The following FHIT variants were observed in gnomAD, a reference collection of about 807,000 sequenced individuals.
The protein encoded by FHIT is fragile histidine triad diadenosine triphosphatase.
Under a neutral mutation model 17.9 loss-of-function variants are expected in FHIT, and 19 were observed. That is an observed-to-expected ratio of 1.06 (90% CI 0.74 to 1.56). The LOEUF is 1.56. Ranked by LOEUF, FHIT falls within the 40% of genes most tolerant of loss-of-function variation. FHIT has a pLI of 0.00. For missense variants in FHIT, 248 were observed against 189.2 expected, an observed-to-expected ratio of 1.31 and a Z score of -1.82; for synonymous variants, 81 against 69.7, an observed-to-expected ratio of 1.16 and a Z score of -0.81.
intron 5 of FHIT, among the ~76,000 whole-genome samples, chr3:60,133,387 A>C (rs1699680128): frequency 6.6e-6 from 1 of 152,166 alleles, no homozygotes; most frequent in African/African-American, 2.4e-5. Flanking sequence ...CTCCCTGCCA[A>C]AACTTCTCCT....
At chr3:59,806,224 T>C (rs1284509761) in intron 8 of FHIT, among the ~76,000 whole-genome samples, 1 of 151,516 alleles carries the variant, frequency 6.6e-6, no homozygotes, top group Non-Finnish European at 1.5e-5. Flanking sequence ...TGAAAATGGA[T>C]GTTGTAAAGC....
chr3:61,086,775 C>T (rs1393763179), intron 2 of FHIT, among the ~76,000 whole-genome samples: 1 of 152,064 alleles, frequency 6.6e-6, no homozygotes, highest in Non-Finnish European at 1.5e-5. Flanking sequence ...AGCAGAAATT[C>T]ATCCTATAAC....
chr3:60,273,045 C>A (rs1489623872), intron 5 of FHIT, among the ~76,000 whole-genome samples: 1 of 152,212 alleles, frequency 6.6e-6, no homozygotes, highest in African/African-American at 2.4e-5. Context: ...GTAAAAACTA[C>A]ACATATCAGA....
At chr3:59,805,095 G>C (rs1434944975) in intron 8 of FHIT, among the ~76,000 whole-genome samples, 1 of 152,082 alleles carries the variant, frequency 6.6e-6, no homozygotes, top group Non-Finnish European at 1.5e-5. Flanking sequence ...CTAGCTTGAA[G>C]CAGTGGGAGG....
At chr3:61,167,704 G>C (rs899565722) in intron 2 of FHIT, among the ~76,000 whole-genome samples, 1 of 151,358 alleles carries the variant, frequency 6.6e-6, no homozygotes, top group African/African-American at 2.4e-5. Context: ...GACAGGACAG[G>C]AAAGGAAAGG....
chr3:60,328,944 G>A (rs1048578542), intron 5 of FHIT, among the ~76,000 whole-genome samples: 6 of 152,156 alleles, frequency 3.9e-5, no homozygotes, highest in South Asian at 4.1e-4. Flanking sequence ...ATGATTAGTC[G>A]ATTCAGGACC....
At chr3:59,917,581 C>T (rs1488621955) in intron 8 of FHIT, among the ~76,000 whole-genome samples, 1 of 152,086 alleles carries the variant, frequency 6.6e-6, no homozygotes, top group Non-Finnish European at 1.5e-5. Context: ...TGGCATAATT[C>T]ATGAAAATTT....
intron 4 of FHIT, among the ~76,000 whole-genome samples, chr3:60,783,780 T>C (rs1330165230): frequency 1.3e-5 from 2 of 152,222 alleles, no homozygotes; most frequent in Non-Finnish European, 2.9e-5. Flanking sequence ...GATGCAGGTG[T>C]GGCTCTTTAA....
At chr3:60,677,676 A>C (rs1166130710) in intron 4 of FHIT, among the ~76,000 whole-genome samples, 1 of 152,152 alleles carries the variant, frequency 6.6e-6, no homozygotes, top group Non-Finnish European at 1.5e-5. Context: ...ACTTATATAC[A>C]CACACAGAGC....
At chr3:60,496,836 T>C (rs2034319406) in intron 5 of FHIT, among the ~76,000 whole-genome samples, 1 of 152,044 alleles carries the variant, frequency 6.6e-6, no homozygotes, top group Non-Finnish European at 1.5e-5. Context: ...TGTAGCTGTA[T>C]CTCAAAAACA....
intron 2 of FHIT, among the ~76,000 whole-genome samples, chr3:61,153,293 T>C (rs2037447392): frequency 1.3e-5 from 2 of 152,204 alleles, no homozygotes; most frequent in Admixed American, 1.3e-4. Flanking sequence ...GCTTGGCTGA[T>C]AACATGAAGA....
intron 3 of FHIT, among the ~76,000 whole-genome samples, chr3:61,025,569 G>T (rs2032688695): frequency 6.6e-6 from 1 of 151,898 alleles, no homozygotes; most frequent in South Asian, 2.1e-4. Flanking sequence ...ATCAGACACA[G>T]AAATATGGAA....
intron 5 of FHIT, among the ~76,000 whole-genome samples, chr3:60,316,202 G>A (rs1352333563): frequency 6.6e-6 from 1 of 152,132 alleles, no homozygotes; most frequent in Non-Finnish European, 1.5e-5. Context: ...TATAAAAATA[G>A]AAACTTGACA....
At chr3:60,120,938 T>A (rs1236751159) in intron 5 of FHIT, among the ~76,000 whole-genome samples, 1 of 152,152 alleles carries the variant, frequency 6.6e-6, no homozygotes, top group African/African-American at 2.4e-5. Context: ...GCCTTTAGGT[T>A]TATATCATGT....
rs151040910 is a variant in FHIT at position 60,347,995 on chromosome 3, T to C, written c.103+188865A>G. Among the ~76,000 whole-genome samples the C allele has an allele frequency of 5.9e-5, 9 of 152,126 alleles. No individual in the cohort carries two copies. In the East Asian group the frequency reaches 1.6e-3, roughly 26 times the overall value. ...GCTGGTCTCAAACTCCTCACCTCAG[T>C]TGATCCACCCTCCTTAGCCTCCCAA... On this transcript the variant is annotated intron_variant, in intron 5 of 9. Coordinates refer to ENST00000492590, the MANE Select transcript of FHIT (RefSeq NM_002012.4).
At chr3:60,579,628 T>A (rs1026677067) in intron 4 of FHIT, among the ~76,000 whole-genome samples, 12 of 152,162 alleles carry the variant, frequency 7.9e-5, no homozygotes, top group African/African-American at 2.9e-4. Context: ...CACACACATA[T>A]AAATATATAC....
chr3:60,189,489 T>C (rs1311994636), intron 5 of FHIT, among the ~76,000 whole-genome samples: 1 of 152,188 alleles, frequency 6.6e-6, no homozygotes, highest in Admixed American at 6.5e-5. Context: ...TGCTGAATGC[T>C]ACAACTCCGC....
At chr3:59,941,608 T>C (rs1348865413) in intron 7 of FHIT, among the ~76,000 whole-genome samples, 1 of 152,144 alleles carries the variant, frequency 6.6e-6, no homozygotes, top group African/African-American at 2.4e-5. Flanking sequence ...TGTGGGTCTG[T>C]GTAATCTTTG....
chr3:60,417,729 G>C (rs1702302168), intron 5 of FHIT, among the ~76,000 whole-genome samples: 1 of 152,154 alleles, frequency 6.6e-6, no homozygotes, highest in Admixed American at 6.5e-5. Context: ...AACCAGATCA[G>C]AGAAGAAAGT....
Sources: allele counts gnomAD v4.1 joint callset (sites outside exome capture counted in the v4.1 genomes callset), GRCh38; gene constraint gnomAD v4.1.1; transcripts MANE v1.5; gene names NCBI Gene and HGNC (gene_info 2026-07-23, HGNC 2026-07-21).